Variants in C9 observed in about 807,000 individuals in gnomAD.
C9 encodes complement component C9.
A neutral mutation model predicts 65.4 loss-of-function variants in C9; 63 were observed. The ratio of observed to expected loss-of-function variants is 0.96; its 90% CI spans 0.79 to 1.19. C9 has a LOEUF of 1.19. Ranked by LOEUF, C9 falls within the 50% of genes most tolerant of loss-of-function variation. The probability of loss-of-function intolerance (pLI) is 0.00; values close to 1 mark genes in which losing one functional copy is unlikely to be tolerated. For synonymous variants in C9, 229 were observed against 227.9 expected (o/e 1.00, Z -0.04); for missense variants, 744 against 670.1 (o/e 1.11, Z -1.22).
chr5:39,318,520 GAGGTAT>G (rs1753612288), intron 5 of C9, among the ~76,000 whole-genome samples: 1 of 151,636 alleles, frequency 6.6e-6, no homozygotes, highest in Non-Finnish European at 1.5e-5. Context: ...TTACTATTTT[GAGGTAT>G]ATTCCTTCAA....
At position 39,331,669 on chromosome 5, in the gene C9, G is replaced by GACTT; in HGVS notation, c.615+3_615+6dup. 6.2e-7 allele frequency: 1 copy of GACTT among 1,613,462 alleles called. No individual in the cohort carries two copies. The highest frequency in any genetic ancestry group is 8.5e-7 in the Non-Finnish European group (1 of 1,179,400). On this transcript the variant is annotated splice_region_variant and intron_variant, in intron 5 of 10. Coordinates refer to ENST00000263408, the MANE Select transcript of C9 (RefSeq NM_001737.5). ...TGAACAATGTGTTTTCCTCCGAGGA[G>GACTT]ACTTACTTCATAGATCAAAGAAGCC...
intron 1 of C9, among the ~76,000 whole-genome samples, chr5:39,353,837 A>G (rs962186948): frequency 1.3e-5 from 2 of 152,216 alleles, no homozygotes; most frequent in African/African-American, 4.8e-5. Flanking sequence ...TACCTGAAAC[A>G]TAATAGGTAC....
In C9 at chr5:39,284,601, T is replaced by C. The variant is rs954323490; in HGVS notation, c.*598A>G. ...TTAACCAACTCCTCTTTATCTCCCTTCAGTCCTCTGGTAAACTAGTAGTTT... is the reference window on the plus strand; with the variant it reads ...TTAACCAACTCCTCTTTATCTCCCTCCAGTCCTCTGGTAAACTAGTAGTTT... On this transcript the variant is annotated 3_prime_UTR_variant, in exon 11 of 11. Coordinates refer to ENST00000263408, the MANE Select transcript of C9 (RefSeq NM_001737.5). 2 of 152,464 alleles carry C rather than the reference T, an allele frequency of 1.3e-5. No individual in the cohort carries two copies. The highest frequency in any genetic ancestry group is 4.8e-5 in the African/African-American group (2 of 41,456). The allele number at this position is 152,464 out of a possible 1,614,324, so 9.4% of individuals were successfully genotyped here.
At chr5:39,345,057 C>T (rs528830547) in intron 1 of C9, among the ~76,000 whole-genome samples, 2 of 152,254 alleles carry the variant, frequency 1.3e-5, no homozygotes, top group African/African-American at 2.4e-5. Flanking sequence ...GTACCAGCCA[C>T]TGCAAAAACA....
intron 5 of C9, among the ~76,000 whole-genome samples, chr5:39,319,045 TC>T (rs1245445197): frequency 6.6e-6 from 1 of 151,704 alleles, no homozygotes; most frequent in Non-Finnish European, 1.5e-5. Context: ...TCTTACTCTT[TC>T]CCCCCAACCC....
chr5:39,334,223 C>T (rs1291421526), intron 4 of C9, among the ~76,000 whole-genome samples: 11 of 151,344 alleles, frequency 7.3e-5, no homozygotes, highest in East Asian at 2.0e-4. Context: ...CTCTGCCCGG[C>T]GGCCCATCAT....
At chr5:39,355,322 T>C (rs909748223) in intron 1 of C9, among the ~76,000 whole-genome samples, 1 of 152,190 alleles carries the variant, frequency 6.6e-6, no homozygotes, top group African/African-American at 2.4e-5. Context: ...CACACGTAAG[T>C]GACTAGACCC....
chr5:39,357,366 A>T (rs921983852), intron 1 of C9, among the ~76,000 whole-genome samples: 9 of 152,216 alleles, frequency 5.9e-5, no homozygotes, highest in African/African-American at 2.2e-4. Flanking sequence ...AGTGTCAAAC[A>T]CTTAAGTTTT....
intron 5 of C9, among the ~76,000 whole-genome samples, chr5:39,320,161 C>T (rs943591832): frequency 2.0e-5 from 3 of 152,108 alleles, no homozygotes; most frequent in African/African-American, 7.2e-5. Flanking sequence ...TGGTAACTGA[C>T]CCTAAAGAAG....
At chr5:39,300,717 A>G (rs696755) in intron 9 of C9, among the ~76,000 whole-genome samples, 2,690 of 152,290 alleles carry the variant, frequency 0.018, 95 homozygotes, top group African/African-American at 0.062. Flanking sequence ...CTTAAAATAT[A>G]TAAAATAAAA....
Position 39,305,855 on chromosome 5 carries a change from A to G in C9, c.1416+762T>C, listed in dbSNP as rs1315147568. ...TCTTATTTTCTTGTAGACTTTATGA[A>G]CATTTCTTTCATAAAGACCCTTAGG... On this transcript the variant is annotated intron_variant, in intron 9 of 10. Coordinates refer to ENST00000263408, the MANE Select transcript of C9 (RefSeq NM_001737.5). Among the ~76,000 whole-genome samples, 5 of 152,216 alleles carry G rather than the reference A, an allele frequency of 3.3e-5. No homozygotes were observed. In the South Asian group the frequency reaches 1.0e-3, roughly 32 times the overall value.
chr5:39,355,660 A>G (rs1754402412), intron 1 of C9, among the ~76,000 whole-genome samples: 1 of 152,220 alleles, frequency 6.6e-6, no homozygotes, highest in African/African-American at 2.4e-5. Flanking sequence ...TGTTAAGCTC[A>G]GTGTATGAGT....
Position 39,288,787 on chromosome 5 carries a change from CA to C in C9, c.1580del (p.Leu527CysfsTer27). 1 of 1,612,576 alleles carries C rather than the reference CA, an allele frequency of 6.2e-7. No individual in the cohort carries two copies. The highest frequency in any genetic ancestry group is 8.5e-7 in the Non-Finnish European group (1 of 1,178,980). On this transcript the variant is annotated frameshift_variant, in exon 10 of 11. Coordinates refer to ENST00000263408, the MANE Select transcript of C9 (RefSeq NM_001737.5). LOFTEE classifies it high-confidence loss of function. ...CCTCAAATTTGAATGGGCAGGCACA[CA>C]AACACTTTCCATCCATTAGAATCAC... ...GTVILMDGKC[L>X]CACPFKFEGI...
intron 1 of C9, among the ~76,000 whole-genome samples, chr5:39,356,224 A>G (rs1754411218): frequency 6.6e-6 from 1 of 152,202 alleles, no homozygotes; most frequent in African/African-American, 2.4e-5. Context: ...AAAATGGAGA[A>G]TTACACTACT....
At chr5:39,291,438 G>A (rs1028125586) in intron 9 of C9, among the ~76,000 whole-genome samples, 1 of 151,840 alleles carries the variant, frequency 6.6e-6, no homozygotes, top group Admixed American at 6.6e-5. Context: ...AAGTGATAGT[G>A]TGGGAAGGGA....
Position 39,284,811 on chromosome 5 carries a change from C to A in C9, c.*388G>T. 4.0e-6 allele frequency: 1 copy of A among 251,598 alleles called. No individual in the cohort carries two copies. The highest frequency in any genetic ancestry group is 7.8e-6 in the Non-Finnish European group (1 of 128,784). The allele number at this position is 251,598 out of a possible 1,614,324, so 15.6% of individuals were successfully genotyped here. On this transcript the variant is annotated 3_prime_UTR_variant, in exon 11 of 11. Coordinates refer to ENST00000263408, the MANE Select transcript of C9 (RefSeq NM_001737.5). Reference sequence around the variant, plus strand: ...TAAATAAGAGTTAAATTGCATGGTACAGACGTGTGGTCATGGACCTGGCAG... The same window carrying A: ...TAAATAAGAGTTAAATTGCATGGTAAAGACGTGTGGTCATGGACCTGGCAG...
At chr5:39,346,319 C>CA (rs1308034404) in intron 1 of C9, among the ~76,000 whole-genome samples, 2 of 151,904 alleles carry the variant, frequency 1.3e-5, no homozygotes, top group East Asian at 1.9e-4. Flanking sequence ...ATAGATGCAA[C>CA]AAAAAATGAC....
intron 9 of C9, among the ~76,000 whole-genome samples, chr5:39,297,171 A>T (rs1434647514): frequency 6.6e-6 from 1 of 151,650 alleles, no homozygotes; most frequent in Non-Finnish European, 1.5e-5. Flanking sequence ...TGTTCCCAAC[A>T]CAAATAAATG....
intron 1 of C9, among the ~76,000 whole-genome samples, chr5:39,345,337 G>A (rs1356599354): frequency 6.6e-6 from 1 of 152,032 alleles, no homozygotes; most frequent in African/African-American, 2.4e-5. Context: ...GATCTACCAA[G>A]CAAATGAAAA....
Sources: allele counts gnomAD v4.1 joint callset (sites outside exome capture counted in the v4.1 genomes callset), GRCh38; gene constraint gnomAD v4.1.1; transcripts MANE v1.5; gene names NCBI Gene and HGNC (gene_info 2026-07-23, HGNC 2026-07-21).